C1orf105: variants seen among roughly 807,000 people sequenced by gnomAD.
C1orf105 encodes uncharacterized protein C1orf105.
C1orf105 carries 17 observed loss-of-function variants against 20.8 expected under a neutral mutation model. The observed-to-expected ratio is 0.82, with a 90% confidence interval of 0.56 to 1.23. The LOEUF is 1.23. Among genes scored for constraint, C1orf105 ranks in the 50% most tolerant of loss-of-function variants. C1orf105 has a pLI of 0.00. For missense variants in C1orf105, 219 were observed against 213.5 expected, an observed-to-expected ratio of 1.03 and a Z score of -0.16; for synonymous variants, 72 against 72.1, an observed-to-expected ratio of 1.00 and a Z score of 0.01.
chr1:172,458,415 G>A (rs1293359129), intron 4 of C1orf105, among the ~76,000 whole-genome samples: 1 of 152,074 alleles, frequency 6.6e-6, no homozygotes, highest in Non-Finnish European at 1.5e-5. Flanking sequence ...TCTATTAATA[G>A]CAGTGAACAA....
intron 4 of C1orf105, among the ~76,000 whole-genome samples, chr1:172,460,661 GA>G (rs377148460): frequency 9.4e-4 from 141 of 149,500 alleles, no homozygotes; most frequent in African/African-American, 3.3e-3. Flanking sequence ...AAACTACAAA[GA>G]AAAAAAAAGA....
At chr1:172,463,238 A>G (rs762953192) in intron 5 of C1orf105, among the ~76,000 whole-genome samples, 1 of 152,186 alleles carries the variant, frequency 6.6e-6, no homozygotes, top group Non-Finnish European at 1.5e-5. Context: ...GTAGACATAC[A>G]CTCACCTTTA....
At chr1:172,468,398 A>G in intron 6 of C1orf105, 51 bp from the exon 7 acceptor site, 8 of 1,404,464 alleles carry the variant, frequency 5.7e-6, no homozygotes, top group Non-Finnish European at 7.6e-6. Flanking sequence ...TTCTTTAAGA[A>G]TAGAATCTAA....
chr1:172,454,630 T>G (rs188632428), intron 3 of C1orf105, among the ~76,000 whole-genome samples: 3 of 152,206 alleles, frequency 2.0e-5, no homozygotes, highest in Non-Finnish European at 4.4e-5. Context: ...TCCAGGTTGT[T>G]GTATAGTGTT....
Position 172,442,615 on chromosome 1 carries a change from G to C in C1orf105, c.22-2458G>C, listed in dbSNP as rs773913585. The C allele has an allele frequency of 5.6e-6, 9 of 1,610,904 alleles. No individual in the cohort carries two copies. In the African/African-American group the frequency reaches 1.2e-4, roughly 22 times the overall value. ...CTCCTTGGTGTTAGTCACAGGTTGA[G>C]CATACATTATCCTTTCATTCAAACT... On this transcript the variant is annotated intron_variant, in intron 1 of 6. Coordinates refer to ENST00000367727, the MANE Select transcript of C1orf105 (RefSeq NM_139240.4).
In C1orf105 at chr1:172,462,741, GT is replaced by G. The variant is rs369531864; in HGVS notation, c.341+503del. Among the ~76,000 whole-genome samples the G allele has an allele frequency of 2.0e-3, 308 of 152,084 alleles. 1 individual carries two copies. Among genetic ancestry groups the G allele is most frequent in the African/African-American group, 7.0e-3 (290 of 41,500 alleles). ...TAAAATCCAATTGGAATTATGATTA[GT>G]TTTTTTGTGTGTTTTGTTTTGTTTG... is the stretch of plus-strand genomic sequence containing the variant. On this transcript the variant is annotated intron_variant, in intron 5 of 6. Coordinates refer to ENST00000367727, the MANE Select transcript of C1orf105 (RefSeq NM_139240.4).
chr1:172,429,005 G>C (rs1401934132), intron 1 of C1orf105, among the ~76,000 whole-genome samples: 1 of 152,154 alleles, frequency 6.6e-6, no homozygotes, highest in Admixed American at 6.5e-5. Context: ...GGAACGATGA[G>C]GAATTTGACA....
intron 2 of C1orf105, among the ~76,000 whole-genome samples, chr1:172,447,196 G>A (rs1255556965): frequency 2.0e-5 from 3 of 152,162 alleles, no homozygotes; most frequent in Admixed American, 2.0e-4. Context: ...TGTGCCTTAA[G>A]CATTACATAC....
chr1:172,432,084 G>T (rs561246074), intron 1 of C1orf105, among the ~76,000 whole-genome samples: 1 of 152,174 alleles, frequency 6.6e-6, no homozygotes, highest in Non-Finnish European at 1.5e-5. Context: ...CAAAGCAGCC[G>T]GGAAGCTCAA....
At chr1:172,429,968 C>G (rs573184427) in intron 1 of C1orf105, among the ~76,000 whole-genome samples, 1 of 152,314 alleles carries the variant, frequency 6.6e-6, no homozygotes, top group South Asian at 2.1e-4. Context: ...GCCACACCAC[C>G]CTCCAGCCTT....
chr1:172,441,352 TACAC>T (rs55669322), intron 1 of C1orf105: 8,518 of 156,818 alleles, frequency 0.054, 482 homozygotes, highest in African/African-American at 0.15. Flanking sequence ...GAAGTGACTT[TACAC>T]ACACACACAC....
intron 1 of C1orf105, among the ~76,000 whole-genome samples, 172 bp downstream of exon 1, chr1:172,421,078 A>C (rs1382085654): frequency 1.3e-5 from 2 of 152,224 alleles, no homozygotes; most frequent in Non-Finnish European, 2.9e-5. Context: ...TTACAGGTGA[A>C]GATAATTTTA....
In C1orf105 at chr1:172,437,972, T is replaced by C. The variant is rs533342197; in HGVS notation, c.22-7101T>C. Among the ~76,000 whole-genome samples the C allele has an allele frequency of 1.4e-4, 22 of 152,206 alleles. No individual in the cohort carries two copies. In the East Asian group the frequency reaches 4.2e-3, roughly 29 times the overall value. ...GTTGGTGACTTGACATCGATGCTCA[T>C]TTACCATTCTGAAAATCCCAGGGCC... On this transcript the variant is annotated intron_variant, in intron 1 of 6. Transcript: ENST00000367727.
Position 172,455,192 on chromosome 1 carries a change from C to G in C1orf105, c.199-1223C>G, listed in dbSNP as rs1050700078. 1.1e-4 allele frequency among the ~76,000 whole-genome samples: 16 copies of G among 152,164 alleles called. 1 individual carries two copies. The highest frequency in any genetic ancestry group is 1.5e-5 in the Non-Finnish European group (1 of 68,036). On this transcript the variant is annotated intron_variant, in intron 3 of 6. Transcript: ENST00000367727. ...TCTCAAAAGAATCCAACTTTGTTAA[C>G]AGTTTTTAGCCCTCAAACCCCCCAT...
intron 1 of C1orf105, chr1:172,431,271 A>G (rs149843871): frequency 3.4e-5 from 15 of 440,860 alleles, no homozygotes; most frequent in African/African-American, 2.2e-4. Flanking sequence ...ATAAAAAGTT[A>G]TTGAAGGAAA....
At chr1:172,459,967 G>A (rs749283005) in intron 4 of C1orf105, among the ~76,000 whole-genome samples, 3 of 151,928 alleles carry the variant, frequency 2.0e-5, no homozygotes, top group Non-Finnish European at 4.4e-5. Flanking sequence ...TATTATACTG[G>A]TTCCATTTAT....
At chr1:172,454,181 A>G (rs551845742) in intron 3 of C1orf105, among the ~76,000 whole-genome samples, 1 of 152,264 alleles carries the variant, frequency 6.6e-6, no homozygotes, top group East Asian at 1.9e-4. Context: ...AAACCTGCCC[A>G]AGAATTCTTC....
intron 1 of C1orf105, among the ~76,000 whole-genome samples, chr1:172,422,403 A>C (rs1573818395): frequency 6.6e-6 from 1 of 152,180 alleles, no homozygotes; most frequent in Non-Finnish European, 1.5e-5. Context: ...ACTGCCTTGA[A>C]GGGAAGGACC....
intron 1 of C1orf105, among the ~76,000 whole-genome samples, chr1:172,440,576 C>G (rs932321078): frequency 3.3e-5 from 5 of 152,158 alleles, no homozygotes; most frequent in African/African-American, 7.2e-5. Context: ...CCATTACCTA[C>G]AGTATGGAGC....
Sources: gnomAD v4.1 joint callset for allele counts (sites outside exome capture counted in the v4.1 genomes callset) on GRCh38, gnomAD v4.1.1 for gene constraint, MANE v1.5 for transcripts, NCBI Gene and HGNC (gene_info 2026-07-23, HGNC 2026-07-21) for gene names.